The following ATP13A3 variants were observed in gnomAD, a reference collection of about 807,000 sequenced individuals.
ATP13A3 encodes polyamine-transporting ATPase 13A3.
A neutral mutation model predicts 158.1 loss-of-function variants in ATP13A3; 59 were observed. The ratio of observed to expected loss-of-function variants is 0.37; its 90% confidence interval spans 0.30 to 0.46. The LOEUF is 0.46. Ranked by LOEUF, ATP13A3 falls within the 20% of genes least tolerant of loss-of-function variation. ATP13A3 has a pLI of 1.00. For synonymous variants in ATP13A3, 491 were observed against 504.3 expected, an observed-to-expected ratio of 0.97 and a Z score of 0.35; for missense variants, 1,166 against 1,525.2, an observed-to-expected ratio of 0.76 and a Z score of 3.92.
At chr3:194,471,817 T>C (rs1370166765) in intron 2 of ATP13A3, 1 of 152,252 alleles carries the variant, frequency 6.6e-6, no homozygotes, top group Non-Finnish European at 1.5e-5. Flanking sequence ...GCTGGCTTTG[T>C]CGAGCAACAG....
chr3:194,429,805 A>G (rs756487119), intron 26 of ATP13A3, 31 bp from the exon 27 acceptor site: 13 of 1,581,702 alleles, frequency 8.2e-6, no homozygotes, highest in Non-Finnish European at 1.1e-5. Context: ...TCGGCATATG[A>G]ATAGAAGCAT....
At chr3:194,414,133 C>T (rs1022656839) in intron 31 of ATP13A3, among the ~76,000 whole-genome samples, 2 of 152,070 alleles carry the variant, frequency 1.3e-5, no homozygotes, top group Non-Finnish European at 2.9e-5. Context: ...GAATGTCTAA[C>T]AGTTTCTATT....
In ATP13A3 at chr3:194,460,092, G is replaced by A. The variant is rs1719539912; in HGVS notation, c.226-121C>T. On this transcript the variant is annotated intron_variant, in intron 4 of 33. Coordinates refer to ENST00000645319, the MANE Select transcript of ATP13A3 (RefSeq NM_001367549.1). The stretch of plus-strand genomic sequence containing the variant: ...TCATCTCTAATTGAGGAAACATCAC[G>A]CCTACTCACTAAATATTAAACCATT... The A allele has an allele frequency of 1.1e-5, 8 of 758,928 alleles. No individual in the cohort carries two copies. In the East Asian group the frequency reaches 1.4e-4, roughly 13 times the overall value. 47.0% of individuals were successfully genotyped at this position (758,928 alleles called of 1,614,324 possible).
chr3:194,406,719 A>G (rs1468242669), intron 33 of ATP13A3, among the ~76,000 whole-genome samples: 3 of 152,214 alleles, frequency 2.0e-5, no homozygotes, highest in Non-Finnish European at 4.4e-5. Flanking sequence ...TTTGGAAGAA[A>G]GCTGTGTACA....
At chr3:194,428,955 G>A in intron 27 of ATP13A3, 38 bp from the exon 28 acceptor site, 1 of 1,394,198 alleles carries the variant, frequency 7.2e-7, no homozygotes, top group Non-Finnish European at 9.9e-7. Flanking sequence ...TAGTTTTTGG[G>A]AATTATTTTT....
rs940752166 is a variant in ATP13A3, at chr3:194,413,859, T to G, written c.3403-20A>C. ...CACTATCTGTAATGCAAAAACATTT[T>G]AAAGTTAAAATTGTTGTATGTAGTC... On this transcript the variant is annotated intron_variant, in intron 31 of 33. Transcript: ENST00000645319. 1.9e-6 allele frequency: 3 copies of G among 1,598,896 alleles called. No homozygotes were observed. The highest frequency in any genetic ancestry group is 2.6e-6 in the Non-Finnish European group (3 of 1,166,504).
chr3:194,474,035 G>A (rs912958318), intron 2 of ATP13A3, among the ~76,000 whole-genome samples: 6 of 152,264 alleles, frequency 3.9e-5, no homozygotes, highest in African/African-American at 1.2e-4. Context: ...TACCATTAAC[G>A]GTTTCTTCAA....
At position 194,431,234 on chromosome 3, in the gene ATP13A3, T is replaced by C. The variant is rs1343354397; in HGVS notation, c.2422-8A>G. ...CAATTTAACCGGAATAGCCTGTGTA[T>C]ATGAGACATTGGGAACAATATTTAG... On this transcript the variant is annotated splice_polypyrimidine_tract_variant and splice_region_variant and intron_variant, in intron 22 of 33. Transcript: ENST00000645319. 3 of 1,589,374 alleles carry C rather than the reference T, an allele frequency of 1.9e-6. No homozygotes were observed. Among genetic ancestry groups the C allele is most frequent in the East Asian group, 4.5e-5 (2 of 44,268 alleles).
chr3:194,489,865 C>T (rs1721125057), upstream of ATP13A3, among the ~76,000 whole-genome samples: 1 of 151,828 alleles, frequency 6.6e-6, no homozygotes, highest in Non-Finnish European at 1.5e-5. This position sits in a 1 kb window ranked among gnomAD's most constrained non-coding sequence, Gnocchi z 4.1. Context: ...AAAGAAGGTG[C>T]AAGAAAAAAG....
intron 20 of ATP13A3, among the ~76,000 whole-genome samples, chr3:194,434,472 C>A (rs1717473152): frequency 6.6e-6 from 1 of 152,212 alleles, no homozygotes; most frequent in African/African-American, 2.4e-5. Context: ...CTATGCTAGT[C>A]ACTGGGAGGT....
At position 194,437,349 on chromosome 3, in the gene ATP13A3, G is replaced by A; in HGVS notation, c.1961C>T (p.Ala654Val). 6.2e-7 allele frequency: 1 copy of A among 1,614,130 alleles called. No individual in the cohort carries two copies. Among genetic ancestry groups the A allele is most frequent in the Non-Finnish European group, 8.5e-7 (1 of 1,180,024 alleles). ...ACAGAGACCGGCAATGGCCTCGGGC[G>A]CTCCTTTCATGTAGGCGTCCATTTT... is the stretch of plus-strand genomic sequence containing the variant. ...DRKMDAYMKG[A>V]PEAIAGLCKP... is the part of the protein sequence containing the mutation. The change falls in exon 19 of 34, where the codon GCG becomes GTG. Residue 654 changes from alanine to valine, a missense_variant. Ala to Val is a moderately conservative substitution (Grantham distance 64, BLOSUM62 0). Coordinates refer to ENST00000645319, the MANE Select transcript of ATP13A3 (RefSeq NM_001367549.1).
intron 15 of ATP13A3, among the ~76,000 whole-genome samples, chr3:194,442,955 A>G (rs554661442): frequency 1.3e-5 from 2 of 152,254 alleles, no homozygotes; most frequent in Non-Finnish European, 2.9e-5. Flanking sequence ...GTATAGTTAC[A>G]CTACCACCCA....
intron 24 of ATP13A3, 69 bp downstream of exon 24, chr3:194,430,874 A>T: frequency 8.1e-7 from 1 of 1,240,432 alleles, no homozygotes; most frequent in Non-Finnish European, 1.1e-6. Context: ...TATAAAAATT[A>T]TTTTTCTGAT....
intron 31 of ATP13A3, among the ~76,000 whole-genome samples, chr3:194,419,119 A>G (rs1716105239): frequency 6.6e-6 from 1 of 152,266 alleles, no homozygotes. Context: ...TATACTATAC[A>G]GCAATGAAAA....
intron 13 of ATP13A3, among the ~76,000 whole-genome samples, chr3:194,447,591 T>C (rs1718493015): frequency 6.6e-6 from 1 of 151,706 alleles, no homozygotes; most frequent in Non-Finnish European, 1.5e-5. Context: ...TTTTTTTTTT[T>C]TAAAGTCACA....
At chr3:194,446,169 A>G (rs1470637456) in intron 14 of ATP13A3, among the ~76,000 whole-genome samples, 1 of 152,176 alleles carries the variant, frequency 6.6e-6, no homozygotes, top group Non-Finnish European at 1.5e-5. Flanking sequence ...AAATTGAGAA[A>G]ATAAGAAATA....
chr3:194,469,366 A>T (rs2109013288), intron 2 of ATP13A3, among the ~76,000 whole-genome samples: 1 of 152,220 alleles, frequency 6.6e-6, no homozygotes, highest in South Asian at 2.1e-4. Flanking sequence ...AGGCTGAGGC[A>T]GGAGAATTGC....
chr3:194,465,852 C>T (rs1719957822), intron 2 of ATP13A3, among the ~76,000 whole-genome samples: 1 of 151,702 alleles, frequency 6.6e-6, no homozygotes, highest in Non-Finnish European at 1.5e-5. Context: ...GGTGGTGGTG[C>T]ATGCCTGTAG....
intron 2 of ATP13A3, among the ~76,000 whole-genome samples, chr3:194,476,172 C>CT (rs1182382587): frequency 6.6e-6 from 1 of 152,156 alleles, no homozygotes; most frequent in Non-Finnish European, 1.5e-5. Context: ...GCCTGGGTTG[C>CT]TGGGCAGGTA....
Sources: allele counts gnomAD v4.1 joint callset (sites outside exome capture counted in the v4.1 genomes callset), GRCh38; gene constraint gnomAD v4.1.1; non-coding constraint Gnocchi (gnomAD v3.1); transcripts MANE v1.5; gene names NCBI Gene and HGNC (gene_info 2026-07-23, HGNC 2026-07-21).